The following CPEB3 variants were observed in gnomAD, a reference collection of about 807,000 sequenced individuals.
CPEB3 encodes cytoplasmic polyadenylation element binding protein 3, also known as cytoplasmic polyadenylation element-binding protein 3.
CPEB3 carries 20 observed loss-of-function variants against 67.2 expected under a neutral mutation model. The observed-to-expected ratio is 0.30, with a 90% CI of 0.21 to 0.43. CPEB3 has a LOEUF of 0.43. Among genes scored for constraint, CPEB3 ranks in the 20% least tolerant of loss-of-function variants. The pLI is 1.00. For missense variants in CPEB3, 746 were observed against 968.6 expected, an observed-to-expected ratio of 0.77 and a Z score of 3.05; for synonymous variants, 376 against 393.1, an observed-to-expected ratio of 0.96 and a Z score of 0.51.
At chr10:92,176,689 C>G (rs1848234666) in intron 4 of CPEB3, among the ~76,000 whole-genome samples, 1 of 152,192 alleles carries the variant, frequency 6.6e-6, no homozygotes, top group African/African-American at 2.4e-5. Context: ...ACCAGGCATG[C>G]TGATTTTGAA....
intron 8 of CPEB3, among the ~76,000 whole-genome samples, chr10:92,083,838 C>T (rs1008783029): frequency 1.3e-5 from 2 of 152,096 alleles, no homozygotes; most frequent in African/African-American, 4.8e-5. Context: ...TCCAGCTAAG[C>T]AGGAGAGTTA....
intron 4 of CPEB3, among the ~76,000 whole-genome samples, chr10:92,177,933 G>C (rs1024381218): frequency 1.3e-5 from 2 of 152,100 alleles, no homozygotes; most frequent in Non-Finnish European, 2.9e-5. Flanking sequence ...TTTCCATAGA[G>C]ACCTAGGAAG....
chr10:92,235,960 T>C (rs1368568771), intron 2 of CPEB3, among the ~76,000 whole-genome samples: 1 of 152,220 alleles, frequency 6.6e-6, no homozygotes, highest in Non-Finnish European at 1.5e-5. Flanking sequence ...ATAAGTAATT[T>C]GTGGGTTTTG....
rs1279261964 is a variant in CPEB3, at chr10:92,194,806, C to G, written c.1006-2170G>C. On this transcript the variant is annotated intron_variant, in intron 2 of 9. Coordinates refer to ENST00000265997, the MANE Select transcript of CPEB3 (RefSeq NM_014912.5). Reference sequence around the variant, plus strand: ...CCTGTAATCCCAGCACTTTGGGAGGCTGAGGCGGGCGGATCACGAGGTCAG... The same window carrying G: ...CCTGTAATCCCAGCACTTTGGGAGGGTGAGGCGGGCGGATCACGAGGTCAG... Among the ~76,000 whole-genome samples the G allele has an allele frequency of 2.6e-5, 4 of 152,146 alleles. No individual in the cohort carries two copies. In the East Asian group the frequency reaches 5.8e-4, roughly 22 times the overall value.
intron 2 of CPEB3, among the ~76,000 whole-genome samples, chr10:92,211,685 C>T (rs1376514877): frequency 5.9e-5 from 9 of 151,364 alleles, no homozygotes; most frequent in Non-Finnish European, 1.5e-5. Flanking sequence ...TACAGGAGCC[C>T]GCCACCACAC....
chr10:92,206,079 T>C (rs1221777629), intron 2 of CPEB3, among the ~76,000 whole-genome samples: 7 of 149,780 alleles, frequency 4.7e-5, no homozygotes, highest in Admixed American at 1.3e-4. Flanking sequence ...GTAAATACTT[T>C]TTTTTTTTTT....
intron 4 of CPEB3, among the ~76,000 whole-genome samples, chr10:92,174,244 A>G (rs1192444233): frequency 6.6e-6 from 1 of 152,180 alleles, no homozygotes; most frequent in Admixed American, 6.5e-5. Context: ...GCAGAGGATA[A>G]AAGGGAGGGG....
intron 1 of CPEB3, among the ~76,000 whole-genome samples, chr10:92,276,337 G>A (rs1402367193): frequency 1.4e-5 from 2 of 142,946 alleles, no homozygotes; most frequent in Non-Finnish European, 3.0e-5. Flanking sequence ...GGAGTGCAAT[G>A]GCACGATCTC....
chr10:92,091,159 G>A (rs1326549474), intron 8 of CPEB3, among the ~76,000 whole-genome samples: 1 of 152,100 alleles, frequency 6.6e-6, no homozygotes, highest in Non-Finnish European at 1.5e-5. Flanking sequence ...AAGTCTATGT[G>A]CATATAAATA....
intron 9 of CPEB3, among the ~76,000 whole-genome samples, chr10:92,062,065 A>G (rs1032570836): frequency 2.0e-5 from 3 of 152,186 alleles, no homozygotes; most frequent in Admixed American, 6.5e-5. Flanking sequence ...AACATGGTGA[A>G]ACCCAATCTC....
chr10:92,250,788 C>A (rs1454411507), intron 1 of CPEB3, among the ~76,000 whole-genome samples: 1 of 151,282 alleles, frequency 6.6e-6, no homozygotes, highest in African/African-American at 2.4e-5. Flanking sequence ...CTCCCAGGTT[C>A]AAGCAATTCT....
At chr10:92,192,236 G>T (rs1032330236) in intron 3 of CPEB3, among the ~76,000 whole-genome samples, 2 of 152,036 alleles carry the variant, frequency 1.3e-5, no homozygotes, top group African/African-American at 4.8e-5. Flanking sequence ...CTCATAATGT[G>T]ACTAACCTCA....
chr10:92,192,760 C>T (rs919678789), intron 2 of CPEB3, 124 bp from the exon 3 acceptor site: 2 of 597,412 alleles, frequency 3.3e-6, no homozygotes, highest in African/African-American at 1.9e-5. Flanking sequence ...CAACAGCATA[C>T]AGTCCTTCTT....
chr10:92,064,416 G>C (rs1034492320), intron 9 of CPEB3, among the ~76,000 whole-genome samples: 2 of 152,186 alleles, frequency 1.3e-5, no homozygotes, highest in African/African-American at 4.8e-5. Context: ...CTTCAAAGGA[G>C]AGGCTCTCAT....
At chr10:92,076,727 T>C (rs1362968310) in intron 9 of CPEB3, among the ~76,000 whole-genome samples, 1 of 151,772 alleles carries the variant, frequency 6.6e-6, no homozygotes, top group Non-Finnish European at 1.5e-5. Context: ...TCATGTTTGT[T>C]GATATGGGAA....
At chr10:92,203,435 T>C (rs1043928317) in intron 2 of CPEB3, among the ~76,000 whole-genome samples, 2 of 138,658 alleles carry the variant, frequency 1.4e-5, no homozygotes, top group Admixed American at 1.4e-4. Context: ...TACGTATATA[T>C]GTATATGTAT....
chr10:92,211,624 C>A (rs938164523), intron 2 of CPEB3, among the ~76,000 whole-genome samples: 1 of 150,942 alleles, frequency 6.6e-6, no homozygotes, highest in African/African-American at 2.4e-5. Flanking sequence ...GCAACCTCTG[C>A]CTCTCAGGTT....
At chr10:92,231,221 C>T (rs1196938309) in intron 2 of CPEB3, among the ~76,000 whole-genome samples, 1 of 152,138 alleles carries the variant, frequency 6.6e-6, no homozygotes, top group African/African-American at 2.4e-5. Flanking sequence ...GGCAGTCACC[C>T]TAATATACAA....
chr10:92,056,477 T>C (rs958087347), intron 9 of CPEB3, among the ~76,000 whole-genome samples: 1 of 152,192 alleles, frequency 6.6e-6, no homozygotes, highest in Non-Finnish European at 1.5e-5. Flanking sequence ...TTTATCTTCA[T>C]ATTGCTGAAA....
Sources: gnomAD v4.1 joint callset for allele counts (sites outside exome capture counted in the v4.1 genomes callset) on GRCh38, gnomAD v4.1.1 for gene constraint, MANE v1.5 for transcripts, NCBI Gene and HGNC (gene_info 2026-07-23, HGNC 2026-07-21) for gene names.